NAV2: variants seen among roughly 807,000 people sequenced by gnomAD.
The protein encoded by NAV2 is neuron navigator 2, also known as helicase, APC down-regulated 1.
A neutral mutation model predicts 223.2 loss-of-function variants in NAV2; 54 were observed. That is an observed-to-expected ratio of 0.24 (90% CI 0.19 to 0.30). The LOEUF is 0.30. Ranked by LOEUF, NAV2 falls within the 10% of genes least tolerant of loss-of-function variation. The pLI is 1.00. For synonymous variants in NAV2, 1,279 were observed against 1,239.3 expected, an observed-to-expected ratio of 1.03 and a Z score of -0.67; for missense variants, 2,806 against 3,147.5, an observed-to-expected ratio of 0.89 and a Z score of 2.60.
intron 11 of NAV2, among the ~76,000 whole-genome samples, chr11:19,999,822 C>T (rs2052364111): frequency 6.6e-6 from 1 of 152,250 alleles, no homozygotes; most frequent in African/African-American, 2.4e-5. Context: ...AAGGTTAGCA[C>T]AGTGCCTGGT....
At chr11:19,814,686 A>C (rs1316275080) in intron 1 of NAV2, among the ~76,000 whole-genome samples, 1 of 151,920 alleles carries the variant, frequency 6.6e-6, no homozygotes, top group Non-Finnish European at 1.5e-5. Context: ...GCTGGTCTTG[A>C]ACTCCTGAGC....
At chr11:19,806,608 G>T (rs546777378) in intron 1 of NAV2, among the ~76,000 whole-genome samples, 1 of 152,224 alleles carries the variant, frequency 6.6e-6, no homozygotes, top group Non-Finnish European at 1.5e-5. Flanking sequence ...TGGCCAGATC[G>T]TGTCTCTGAA....
At chr11:20,012,795 T>G (rs1022817686) in intron 11 of NAV2, among the ~76,000 whole-genome samples, 1 of 152,010 alleles carries the variant, frequency 6.6e-6, no homozygotes, top group Non-Finnish European at 1.5e-5. Flanking sequence ...TCATCCCCAA[T>G]GTGCCAATTA....
intron 1 of NAV2, among the ~76,000 whole-genome samples, chr11:19,594,878 G>A (rs969356268): frequency 6.6e-6 from 1 of 152,198 alleles, no homozygotes; most frequent in Non-Finnish European, 1.5e-5. Flanking sequence ...TGCACATAAA[G>A]CACTTGCAAA....
chr11:19,524,855 G>A (rs974305591), intron 1 of NAV2, among the ~76,000 whole-genome samples: 2 of 152,094 alleles, frequency 1.3e-5, no homozygotes, highest in Non-Finnish European at 2.9e-5. Flanking sequence ...TGTTATTTAG[G>A]ATTGTGATAT....
chr11:19,381,202 C>T (rs1383816603), intron 1 of NAV2, among the ~76,000 whole-genome samples: 1 of 152,176 alleles, frequency 6.6e-6, no homozygotes, highest in African/African-American at 2.4e-5. Context: ...CTCTGCTCCC[C>T]TACTATCACA....
intron 1 of NAV2, among the ~76,000 whole-genome samples, chr11:19,546,354 G>A (rs1047971997): frequency 4.6e-5 from 7 of 152,226 alleles, no homozygotes; most frequent in Non-Finnish European, 1.0e-4. Flanking sequence ...TGGGGGTTCA[G>A]TGGTGGCTGT....
At chr11:19,882,573 G>T (rs1308321190) in intron 5 of NAV2, among the ~76,000 whole-genome samples, 1 of 152,190 alleles carries the variant, frequency 6.6e-6, no homozygotes, top group Non-Finnish European at 1.5e-5. Context: ...AGTGGCTTGT[G>T]TCACTGAGCT....
rs1321058505 is a variant in NAV2 at position 19,979,208 on chromosome 11, G to A, written c.2646-4917G>A. On this transcript the variant is annotated intron_variant, in intron 10 of 37. Transcript: ENST00000349880. The stretch of plus-strand genomic sequence containing the variant: ...TGTTCTGAAAAATCTGTAGAAGAAA[G>A]TACTGATGAGAAAATGCCCACCAAA... 6 of 152,340 alleles carry A rather than the reference G, an allele frequency of 3.9e-5. No individual in the cohort carries two copies. The East Asian group carries it at 9.6e-4, about 24-fold the overall frequency. 9.4% of individuals were successfully genotyped at this position (152,340 alleles called of 1,614,324 possible).
intron 31 of NAV2, among the ~76,000 whole-genome samples, chr11:20,098,964 CCTT>C (rs1322057797): frequency 6.6e-6 from 1 of 152,200 alleles, no homozygotes; most frequent in Non-Finnish European, 1.5e-5. Flanking sequence ...TAGCCCAATT[CCTT>C]CTTCTAGCTT....
chr11:19,778,266 A>G (rs2056447162), intron 1 of NAV2: 1 of 439,744 alleles, frequency 2.3e-6, no homozygotes, highest in Admixed American at 2.7e-5. Flanking sequence ...CGGGGACCAT[A>G]ATTCCCCCAT....
chr11:19,649,351 G>A (rs1451242178), intron 1 of NAV2, among the ~76,000 whole-genome samples: 2 of 152,110 alleles, frequency 1.3e-5, no homozygotes, highest in African/African-American at 4.8e-5. Context: ...AAATGACCTC[G>A]AGAGAATATA....
intron 1 of NAV2, among the ~76,000 whole-genome samples, chr11:19,545,188 A>G (rs1386679005): frequency 6.6e-6 from 1 of 152,200 alleles, no homozygotes; most frequent in South Asian, 2.1e-4. Context: ...TTGGGCGCTC[A>G]CAGGAGGGTC....
intron 1 of NAV2, among the ~76,000 whole-genome samples, chr11:19,741,458 A>G (rs10833161): frequency 0.1 from 14,448 of 139,076 alleles, 807 homozygotes; most frequent in South Asian, 0.16. Context: ...CAACTGTTCT[A>G]CTCTCTGCTT....
At chr11:19,388,512 T>C (rs1849127525) in intron 1 of NAV2, among the ~76,000 whole-genome samples, 1 of 152,218 alleles carries the variant, frequency 6.6e-6, no homozygotes, top group Non-Finnish European at 1.5e-5. Flanking sequence ...GAATCTGTTT[T>C]TCTGAACTTC....
At chr11:19,520,626 CT>C (rs2043619253) in intron 1 of NAV2, among the ~76,000 whole-genome samples, 1 of 151,876 alleles carries the variant, frequency 6.6e-6, no homozygotes, top group African/African-American at 2.4e-5. Context: ...CTAGGGCCCC[CT>C]CCCCTATTTT....
At chr11:19,374,177 T>A (rs1186534764) in intron 1 of NAV2, among the ~76,000 whole-genome samples, 1 of 152,186 alleles carries the variant, frequency 6.6e-6, no homozygotes, top group Non-Finnish European at 1.5e-5. Context: ...ACTTCACACA[T>A]AATCTTGCTT....
At chr11:19,996,976 A>G (rs980198854) in intron 11 of NAV2, among the ~76,000 whole-genome samples, 4 of 152,070 alleles carry the variant, frequency 2.6e-5, no homozygotes, top group African/African-American at 9.7e-5. Flanking sequence ...CTCTTTCTTT[A>G]GCTGACCCTG....
intron 1 of NAV2, among the ~76,000 whole-genome samples, chr11:19,800,168 C>G (rs2058153633): frequency 6.6e-6 from 1 of 152,202 alleles, no homozygotes; most frequent in Non-Finnish European, 1.5e-5. Context: ...TCTGTCCTCC[C>G]CACTAGCTAG....
Sources: gnomAD v4.1 joint callset for allele counts (sites outside exome capture counted in the v4.1 genomes callset) on GRCh38, gnomAD v4.1.1 for gene constraint, MANE v1.5 for transcripts, NCBI Gene and HGNC (gene_info 2026-07-23, HGNC 2026-07-21) for gene names.